The following SNTG1 variants were observed in gnomAD, a reference collection of about 807,000 sequenced individuals.
The protein encoded by SNTG1 is gamma-1-syntrophin.
In SNTG1, 39 loss-of-function variants were observed where a neutral mutation model predicts 74.7. That is an observed-to-expected ratio of 0.52 (90% CI 0.40 to 0.68). SNTG1 has a LOEUF of 0.68. Ranked by LOEUF, SNTG1 falls within the 30% of genes least tolerant of loss-of-function variation. SNTG1 has a pLI of 0.00. For missense variants in SNTG1, 685 were observed against 609.5 expected, an observed-to-expected ratio of 1.12 and a Z score of -1.30; for synonymous variants, 254 against 217.1, an observed-to-expected ratio of 1.17 and a Z score of -1.49.
At chr8:50,372,287 T>C (rs1478375555) in intron 2 of SNTG1, among the ~76,000 whole-genome samples, 5 of 151,786 alleles carry the variant, frequency 3.3e-5, no homozygotes, top group East Asian at 3.9e-4. Context: ...TCTATAGTTA[T>C]TTTTTTTCGG....
chr8:49,928,762 A>C (rs1035622997), intron 1 of SNTG1, among the ~76,000 whole-genome samples: 2 of 152,098 alleles, frequency 1.3e-5, no homozygotes, highest in Non-Finnish European at 2.9e-5. Flanking sequence ...CAGTGCAAGA[A>C]AAAAAATAAT....
chr8:50,207,668 T>C (rs1205084475), intron 2 of SNTG1, among the ~76,000 whole-genome samples: 1 of 152,208 alleles, frequency 6.6e-6, no homozygotes, highest in Admixed American at 6.5e-5. Context: ...ATGGTGTCAA[T>C]TTTACATCTT....
intron 1 of SNTG1, among the ~76,000 whole-genome samples, chr8:50,047,253 T>G (rs144184036): frequency 1.3e-5 from 2 of 151,974 alleles, no homozygotes; most frequent in African/African-American, 4.8e-5. Context: ...GTGAAAGGAA[T>G]GCTTGAGCCC....
At chr8:49,974,189 C>A (rs372180313) in intron 1 of SNTG1, among the ~76,000 whole-genome samples, 1 of 152,126 alleles carries the variant, frequency 6.6e-6, no homozygotes. Context: ...AACATAGTAA[C>A]GATAGCCCGA....
At chr8:50,498,204 G>A (rs780401838) in intron 8 of SNTG1, among the ~76,000 whole-genome samples, 10 of 151,776 alleles carry the variant, frequency 6.6e-5, no homozygotes, top group South Asian at 2.1e-4. Context: ...CAAAATCATT[G>A]TGACATTTTC....
intron 17 of SNTG1, among the ~76,000 whole-genome samples, chr8:50,736,050 C>T (rs1024475101): frequency 5.3e-5 from 8 of 151,804 alleles, no homozygotes; most frequent in Non-Finnish European, 8.8e-5. Flanking sequence ...GAAATAAAAT[C>T]TTTTACAAAC....
At chr8:50,124,353 C>T (rs1401490200) in intron 1 of SNTG1, among the ~76,000 whole-genome samples, 1 of 142,288 alleles carries the variant, frequency 7.0e-6, no homozygotes, top group East Asian at 2.0e-4. Flanking sequence ...CACCCAGTAT[C>T]TGCTACTGTT....
chr8:50,513,097 G>T (rs1293892912), intron 9 of SNTG1, among the ~76,000 whole-genome samples: 2 of 151,950 alleles, frequency 1.3e-5, no homozygotes, highest in African/African-American at 4.8e-5. Flanking sequence ...GGGTTTTGGT[G>T]TGGATGTCCT....
At chr8:50,072,649 A>G (rs1362170791) in intron 1 of SNTG1, among the ~76,000 whole-genome samples, 1 of 152,312 alleles carries the variant, frequency 6.6e-6, no homozygotes, top group African/African-American at 2.4e-5. Context: ...GTACTTGAAG[A>G]TGATGTACAC....
intron 18 of SNTG1, among the ~76,000 whole-genome samples, chr8:50,789,364 G>A (rs1382680254): frequency 6.6e-6 from 1 of 151,866 alleles, no homozygotes; most frequent in Non-Finnish European, 1.5e-5. Flanking sequence ...ATACTGTGGA[G>A]TCTCAGGGAT....
chr8:50,444,181 A>C (rs186826211), intron 5 of SNTG1, among the ~76,000 whole-genome samples: 6 of 152,132 alleles, frequency 3.9e-5, no homozygotes, highest in Admixed American at 3.9e-4. Context: ...ACTGAAATAA[A>C]TGTGTAGCTC....
rs141040364 is a variant in SNTG1 at position 49,969,892 on chromosome 8, T to A, written c.-103+57661T>A. ...TCAAAATGCTGTTATAGATTCATGC[T>A]GCTTTTTGATGGTGGAATAAAAAAC... On this transcript the variant is annotated intron_variant, in intron 1 of 18. Coordinates refer to ENST00000642720, the MANE Select transcript of SNTG1 (RefSeq NM_018967.5). Among the ~76,000 whole-genome samples the A allele has an allele frequency of 5.1e-4, 76 of 148,606 alleles. 2 individuals carry two copies. The highest frequency in any genetic ancestry group is 1.8e-3 in the African/African-American group (71 of 40,248).
intron 6 of SNTG1, 60 bp from the exon 7 acceptor site, chr8:50,450,496 C>T (rs924196473): frequency 6.5e-7 from 1 of 1,539,334 alleles, no homozygotes; most frequent in African/African-American, 1.4e-5. Context: ...AATTAAAAGT[C>T]CTTTCATCTG....
intron 1 of SNTG1, among the ~76,000 whole-genome samples, chr8:49,958,989 TGTTA>T (rs765434875): frequency 2.4e-4 from 37 of 152,332 alleles, no homozygotes; most frequent in Non-Finnish European, 3.8e-4. Context: ...CTTTTTGATC[TGTTA>T]GTTAATGTGC....
chr8:50,637,702 T>A (rs1292577701), intron 13 of SNTG1, among the ~76,000 whole-genome samples: 1 of 152,078 alleles, frequency 6.6e-6, no homozygotes, highest in Non-Finnish European at 1.5e-5. Context: ...TTACATAAAA[T>A]CCCAGAAATA....
intron 8 of SNTG1, among the ~76,000 whole-genome samples, chr8:50,470,649 C>T (rs1488184518): frequency 2.0e-5 from 3 of 152,040 alleles, no homozygotes; most frequent in Admixed American, 6.6e-5. Flanking sequence ...AAATGTGGTG[C>T]GTCCGGAGTT....
intron 13 of SNTG1, among the ~76,000 whole-genome samples, chr8:50,611,771 ATT>A (rs2094851541): frequency 6.6e-6 from 1 of 152,022 alleles, no homozygotes; most frequent in Non-Finnish European, 1.5e-5. Context: ...ATTTACTTTA[ATT>A]TAATTTTTTT....
intron 13 of SNTG1, among the ~76,000 whole-genome samples, chr8:50,597,212 T>C (rs2094733549): frequency 6.6e-6 from 1 of 151,724 alleles, no homozygotes; most frequent in Non-Finnish European, 1.5e-5. Flanking sequence ...CATAATGTCT[T>C]CCAAGTTCAT....
chr8:50,208,346 G>A (rs1310932512), intron 2 of SNTG1, among the ~76,000 whole-genome samples: 2 of 152,056 alleles, frequency 1.3e-5, no homozygotes, highest in African/African-American at 2.4e-5. Flanking sequence ...ATCTTTGTTG[G>A]TTTAAAGTCT....
Sources: gnomAD v4.1 joint callset for allele counts (sites outside exome capture counted in the v4.1 genomes callset) on GRCh38, gnomAD v4.1.1 for gene constraint, MANE v1.5 for transcripts, NCBI Gene and HGNC (gene_info 2026-07-23, HGNC 2026-07-21) for gene names.